The following ADGRE2 variants were observed in gnomAD, a reference collection of about 807,000 sequenced individuals.
ADGRE2 encodes the protein CD97 antigen.
ADGRE2 carries 83 observed loss-of-function variants against 100.8 expected under a neutral mutation model. The ratio of observed to expected loss-of-function variants is 0.82; its 90% CI spans 0.69 to 0.99. The LOEUF is 0.99. Among genes scored for constraint, ADGRE2 ranks in the 50% least tolerant of loss-of-function variants. The probability of loss-of-function intolerance (pLI) is 0.00; values close to 1 mark genes in which losing one functional copy is unlikely to be tolerated. For synonymous variants in ADGRE2, 355 were observed against 413.0 expected (o/e 0.86, Z 1.70); for missense variants, 814 against 1,035.7 (o/e 0.79, Z 2.94).
chr19:14,752,246 A>G (rs1308992521), intron 15 of ADGRE2, 83 bp downstream of exon 15: 1 of 1,536,370 alleles, frequency 6.5e-7, no homozygotes, highest in African/African-American at 1.4e-5. Flanking sequence ...CTATTATATT[A>G]AGGAATCAAA....
intron 11 of ADGRE2, among the ~76,000 whole-genome samples, chr19:14,761,641 C>T (rs1300794561): frequency 6.6e-6 from 1 of 151,936 alleles, no homozygotes; most frequent in Non-Finnish European, 1.5e-5. Context: ...CAGGTGAATG[C>T]TGGCAGCTGT....
the ADGRE2 span, among the ~76,000 whole-genome samples, chr19:14,725,989 G>A: frequency 6.6e-6 from 1 of 152,192 alleles, no homozygotes; most frequent in Non-Finnish European, 1.5e-5. Context: ...TCCTCTGTGG[G>A]AGCTATGCCC....
rs35612307 is a variant in ADGRE2 at position 14,764,576 on chromosome 19, G to A, written c.941C>T (p.Ala314Val). 442,333 of 1,612,284 alleles carry A rather than the reference G, an allele frequency of 0.27. 63,800 individuals carry two copies. Among genetic ancestry groups the A allele is most frequent in the Admixed American group, 0.4 (23,930 of 59,958 alleles). Reference sequence around the variant, plus strand: ...GGGCAGGGTCTCCAGGTCCCCAGGGGCCTCCAGCAGCTCATCCAGCGCCTG... The same window carrying A: ...GGGCAGGGTCTCCAGGTCCCCAGGGACCTCCAGCAGCTCATCCAGCGCCTG... ...ILQALDELLE[A>V]PGDLETLPRL... The change falls in exon 11 of 21, where the codon GCC (alanine) becomes GTC (valine). Residue 314 changes from alanine to valine, a missense_variant. By Grantham distance (64) the Ala-to-Val change is moderately conservative. Transcript: ENST00000315576.
chr19:14,739,416 C>A (rs565801867), intron 20 of ADGRE2, among the ~76,000 whole-genome samples: 2 of 152,044 alleles, frequency 1.3e-5, no homozygotes, highest in East Asian at 1.9e-4. Context: ...ATTTCAGAAG[C>A]CTTTGTTGGC....
At position 14,743,753 on chromosome 19, in the gene ADGRE2, AC is replaced by A; in HGVS notation, c.2214del (p.Phe739SerfsTer61). 1.2e-6 allele frequency: 2 copies of A among 1,614,176 alleles called. No homozygotes were observed. Among genetic ancestry groups the A allele is most frequent in the Non-Finnish European group, 1.7e-6 (2 of 1,180,012 alleles). On this transcript the variant is annotated frameshift_variant, in exon 19 of 21. Transcript: ENST00000315576. LOFTEE classifies it high-confidence loss of function. The part of the protein sequence containing the change: ...RMLAFKATAQ[L>X]FILGCTWCLG... ...AGACACCACGTGCAGCCCAGGATGA[AC>A]AGCTGAGCTGTCGCTTTAAATGCCA...
chr19:14,737,247 G>A (rs1053575933), intron 20 of ADGRE2, among the ~76,000 whole-genome samples: 7 of 151,220 alleles, frequency 4.6e-5, no homozygotes, highest in African/African-American at 7.3e-5. Context: ...GAGTGCAGTG[G>A]CACCATCTCT....
intron 5 of ADGRE2, among the ~76,000 whole-genome samples, chr19:14,769,886 G>T (rs969374940): frequency 6.6e-6 from 1 of 152,074 alleles, no homozygotes; most frequent in African/African-American, 2.4e-5. Flanking sequence ...TTGTAGTAGA[G>T]ACGGGGTTTC....
downstream of ADGRE2, among the ~76,000 whole-genome samples, chr19:14,730,035 TAGAG>T (rs533977583): frequency 1.1e-3 from 172 of 152,098 alleles, no homozygotes; most frequent in Non-Finnish European, 1.9e-3. Context: ...TGAAGGAAAA[TAGAG>T]AGAAGAGAGT....
At chr19:14,730,203 C>T (rs756276052), downstream of ADGRE2, among the ~76,000 whole-genome samples, 1 of 152,012 alleles carries the variant, frequency 6.6e-6, no homozygotes, top group Non-Finnish European at 1.5e-5. Context: ...TACAGGTGCC[C>T]GTGACCATGC....
chr19:14,753,500 G>T (rs1457233675), intron 14 of ADGRE2, among the ~76,000 whole-genome samples: 9 of 152,030 alleles, frequency 5.9e-5, no homozygotes, highest in African/African-American at 2.2e-4. Flanking sequence ...GATGAGATAA[G>T]AAAGTCAGGT....
At chr19:14,759,628 C>A (rs1482382676) in intron 11 of ADGRE2, among the ~76,000 whole-genome samples, 1 of 150,880 alleles carries the variant, frequency 6.6e-6, no homozygotes, top group Non-Finnish European at 1.5e-5. Context: ...TCCCAGGTAG[C>A]TGGGATTACA....
chr19:14,727,003 G>A, the ADGRE2 span, among the ~76,000 whole-genome samples: 1 of 147,244 alleles, frequency 6.8e-6, no homozygotes, highest in Non-Finnish European at 1.5e-5. Context: ...CTGAGGCTGG[G>A]TAATTTATAA....
At chr19:14,731,030 T>C (rs1599767799), downstream of ADGRE2, 4 of 681,794 alleles carry the variant, frequency 5.9e-6, no homozygotes, top group South Asian at 5.2e-5. Context: ...AGCAGATATT[T>C]AGGACATTCA....
intron 2 of ADGRE2, among the ~76,000 whole-genome samples, chr19:14,774,697 A>G (rs1316993351): frequency 6.5e-5 from 3 of 46,172 alleles, no homozygotes; most frequent in Non-Finnish European, 1.7e-4. Context: ...TTTTTGAGAC[A>G]GGGTCTTGCT....
intron 5 of ADGRE2, 68 bp downstream of exon 5, chr19:14,772,274 G>T (rs2044238418): frequency 6.2e-7 from 1 of 1,600,940 alleles, no homozygotes; most frequent in Non-Finnish European, 8.6e-7. Context: ...CCTGGATGCT[G>T]CAGAAACAGC....
At chr19:14,764,326 G>C in intron 11 of ADGRE2, 107 bp downstream of exon 11, 1 of 972,540 alleles carries the variant, frequency 1.0e-6, no homozygotes, top group Non-Finnish European at 1.6e-6. Flanking sequence ...TTGTCGATGA[G>C]AGTAACACTG....
At position 14,735,741 on chromosome 19, in the gene ADGRE2, T is replaced by C. The variant is rs1032465524; in HGVS notation, c.*495A>G. ...TCTTGATCTATGTGTGAGTAATCAA[T>C]ATTTTTCACATGACTAAATAATCAA... On this transcript the variant is annotated 3_prime_UTR_variant, in exon 21 of 21. Transcript: ENST00000315576. 2 of 152,710 alleles carry C rather than the reference T, an allele frequency of 1.3e-5. No individual in the cohort carries two copies. The highest frequency in any genetic ancestry group is 2.9e-5 in the Non-Finnish European group (2 of 68,456). The allele number at this position is 152,710 out of a possible 1,614,324, so 9.5% of individuals were successfully genotyped here.
intron 16 of ADGRE2, among the ~76,000 whole-genome samples, chr19:14,750,898 C>T (rs1452658349): frequency 2.0e-5 from 3 of 152,160 alleles, no homozygotes; most frequent in Non-Finnish European, 4.4e-5. Flanking sequence ...ACTGCAACTT[C>T]GAACTCCTGG....
the ADGRE2 span, among the ~76,000 whole-genome samples, chr19:14,726,631 C>T: frequency 4.9e-3 from 752 of 152,294 alleles, 3 homozygotes; most frequent in Middle Eastern, 0.024. Flanking sequence ...AAATTTCTCC[C>T]ACCAGACACT....
Sources: gnomAD v4.1 joint callset for allele counts (sites outside exome capture counted in the v4.1 genomes callset) on GRCh38, gnomAD v4.1.1 for gene constraint, MANE v1.5 for transcripts, NCBI Gene and HGNC (gene_info 2026-07-23, HGNC 2026-07-21) for gene names.